Variants in ADAM32 observed in about 807,000 individuals in gnomAD.
The protein encoded by ADAM32 is ADAM metallopeptidase domain 32, also known as disintegrin and metalloproteinase domain-containing protein 32.
A neutral mutation model predicts 114.9 loss-of-function variants in ADAM32; 89 were observed. The ratio of observed to expected loss-of-function variants is 0.77; its 90% CI spans 0.65 to 0.92. The LOEUF is 0.92. Ranked by LOEUF, ADAM32 falls within the 40% of genes least tolerant of loss-of-function variation. The pLI, the probability that ADAM32 is intolerant of heterozygous loss-of-function variation, is 0.00. For missense variants in ADAM32, 870 were observed against 932.8 expected, an observed-to-expected ratio of 0.93 and a Z score of 0.88; for synonymous variants, 285 against 307.5, an observed-to-expected ratio of 0.93 and a Z score of 0.77.
intron 12 of ADAM32, 75 bp downstream of exon 12, chr8:39,211,399 C>T: frequency 7.5e-7 from 1 of 1,332,648 alleles, no homozygotes; most frequent in Non-Finnish European, 9.8e-7. Flanking sequence ...TGTCATATAT[C>T]TCAAATGTGA....
chr8:39,255,763 G>T (rs1470801756), intron 18 of ADAM32, among the ~76,000 whole-genome samples: 1 of 151,870 alleles, frequency 6.6e-6, no homozygotes, highest in Non-Finnish European at 1.5e-5. Flanking sequence ...TGTTTTTATT[G>T]CATTTGTTTT....
At chr8:39,255,313 C>T (rs1420481610) in intron 18 of ADAM32, among the ~76,000 whole-genome samples, 7 of 152,018 alleles carry the variant, frequency 4.6e-5, no homozygotes, top group African/African-American at 1.7e-4. Flanking sequence ...TACTGTTTTT[C>T]GTAGTGGCTG....
chr8:39,211,290 A>AG lies in ADAM32; in HGVS notation c.1202dup (p.Asn402LysfsTer2). On this transcript the variant is annotated frameshift_variant, in exon 12 of 25. Coordinates refer to ENST00000379907, the MANE Select transcript of ADAM32 (RefSeq NM_145004.7). LOFTEE classifies it high-confidence loss of function. Reference sequence around the variant, plus strand: ...CCAGTCTGTGGCAATGGCAGATTGGAGGGAAATGAAATCTGTGATTGTGGT... The same window carrying AG: ...CCAGTCTGTGGCAATGGCAGATTGGAGGGGAAATGAAATCTGTGATTGTGGT... 1.3e-6 allele frequency: 2 copies of AG among 1,582,704 alleles called. No homozygotes were observed. Among genetic ancestry groups the AG allele is most frequent in the Admixed American group, 3.6e-5 (2 of 54,870 alleles).
chr8:39,138,793 G>C (rs969446624), intron 3 of ADAM32, among the ~76,000 whole-genome samples: 15 of 152,354 alleles, frequency 9.8e-5, no homozygotes, highest in Non-Finnish European at 2.1e-4. Context: ...CCCACCAACA[G>C]TGTAAAAGGG....
chr8:39,244,850 TA>T (rs554268244), intron 16 of ADAM32, among the ~76,000 whole-genome samples: 4 of 151,432 alleles, frequency 2.6e-5, no homozygotes, highest in Admixed American at 6.6e-5. Flanking sequence ...TAAAGTATAA[TA>T]AAAAAAAGAT....
intron 2 of ADAM32, among the ~76,000 whole-genome samples, chr8:39,124,414 C>CTTTTTTTTTT (rs57362503): frequency 1.5e-5 from 2 of 136,672 alleles, no homozygotes; most frequent in Non-Finnish European, 1.6e-5. Context: ...TTTTCTTTTT[C>CTTTTTTTTTT]TTTTTTTTTT....
intron 22 of ADAM32, among the ~76,000 whole-genome samples, chr8:39,280,435 GT>G (rs1253340843): frequency 2.6e-5 from 4 of 152,144 alleles, no homozygotes; most frequent in Non-Finnish European, 5.9e-5. Flanking sequence ...GTAAATGTAA[GT>G]TTTAATTTAC....
intron 17 of ADAM32, among the ~76,000 whole-genome samples, chr8:39,254,210 C>A (rs1564693604): frequency 6.7e-6 from 1 of 149,094 alleles, no homozygotes; most frequent in Non-Finnish European, 1.5e-5. Context: ...ATATTGAGAG[C>A]CTCACTTTAT....
At chr8:39,161,041 A>G (rs1464041278) in intron 7 of ADAM32, 76 bp downstream of exon 7, 5 of 1,287,576 alleles carry the variant, frequency 3.9e-6, no homozygotes, top group Non-Finnish European at 5.3e-6. Context: ...CTAGACAGAA[A>G]CTAAAAGATT....
chr8:39,275,453 C>T (rs1008606111), intron 21 of ADAM32, among the ~76,000 whole-genome samples: 1 of 152,162 alleles, frequency 6.6e-6, no homozygotes, highest in East Asian at 1.9e-4. Flanking sequence ...GTCTTCTTGA[C>T]ATTAGTGTGG....
chr8:39,130,168 T>C (rs1232195662), intron 2 of ADAM32: 1 of 159,516 alleles, frequency 6.3e-6, no homozygotes, highest in Non-Finnish European at 1.4e-5. Context: ...TTGCCCCAGC[T>C]GGTCTTGAAC....
chr8:39,189,806 T>C (rs1202634491), intron 11 of ADAM32, among the ~76,000 whole-genome samples: 1 of 148,632 alleles, frequency 6.7e-6, no homozygotes. Flanking sequence ...ACTCTATATC[T>C]TTTTTTTTTG....
At chr8:39,133,570 G>C (rs1306438102) in intron 2 of ADAM32, among the ~76,000 whole-genome samples, 1 of 152,188 alleles carries the variant, frequency 6.6e-6, no homozygotes, top group East Asian at 1.9e-4. Flanking sequence ...TAGCAGTAGT[G>C]GGCCAGTCCT....
chr8:39,284,892 A>G lies in ADAM32; in HGVS notation c.*93A>G, dbSNP rs1042156594. On this transcript the variant is annotated 3_prime_UTR_variant, in exon 25 of 25. Transcript: ENST00000379907. The stretch of plus-strand genomic sequence containing the variant: ...TCCGTGGTCACAGCTGAAAGAAACA[A>G]TAAATTGAGTGTGGATCAATTTGCA... The G allele has an allele frequency of 4.9e-5, 74 of 1,509,546 alleles. No homozygotes were observed. Among genetic ancestry groups the G allele is most frequent in the South Asian group, 3.2e-4 (28 of 86,430 alleles). The allele number at this position is 1,509,546 out of a possible 1,614,324, so 93.5% of individuals were successfully genotyped here. A position where few individuals can be genotyped will look rare whatever the true frequency, so the allele number is the denominator to read the frequency against.
intron 11 of ADAM32, among the ~76,000 whole-genome samples, chr8:39,192,849 C>T (rs938289777): frequency 6.6e-6 from 1 of 152,188 alleles, no homozygotes; most frequent in African/African-American, 2.4e-5. Context: ...GGCCTCTGGT[C>T]TCTTCTGGCT....
intron 19 of ADAM32, among the ~76,000 whole-genome samples, chr8:39,269,295 C>A (rs555826671): frequency 6.6e-6 from 1 of 152,300 alleles, no homozygotes; most frequent in South Asian, 2.1e-4. Flanking sequence ...ATAGAGCTCA[C>A]CTTGTTTCCT....
chr8:39,114,641 C>T lies in ADAM32; in HGVS notation c.59-3445C>T, dbSNP rs112643704. Among the ~76,000 whole-genome samples, 1,136 of 152,296 alleles carry T rather than the reference C, an allele frequency of 7.5e-3. 12 individuals are homozygous for T. Among genetic ancestry groups the T allele is most frequent in the Middle Eastern group, 0.014 (4 of 294 alleles). ...GTCTCTGAGAGTCAATTGTCTGCCA[C>T]TTCAGAATTCCCTGATTCCCAGTCA... On this transcript the variant is annotated intron_variant, in intron 1 of 24. Coordinates refer to ENST00000379907, the MANE Select transcript of ADAM32 (RefSeq NM_145004.7).
chr8:39,107,718 G>A, upstream of ADAM32: 1 of 1,549,426 alleles, frequency 6.5e-7, no homozygotes, highest in South Asian at 1.2e-5. Context: ...GCGTCCCCGC[G>A]TCCCTGGCAA....
At chr8:39,264,214 C>T (rs932416574) in intron 19 of ADAM32, among the ~76,000 whole-genome samples, 5 of 152,114 alleles carry the variant, frequency 3.3e-5, no homozygotes, top group Admixed American at 1.3e-4. Context: ...ATGATTTCAT[C>T]CCCCAGGTAG....
Sources: allele counts gnomAD v4.1 joint callset (sites outside exome capture counted in the v4.1 genomes callset), GRCh38; gene constraint gnomAD v4.1.1; transcripts MANE v1.5; gene names NCBI Gene and HGNC (gene_info 2026-07-23, HGNC 2026-07-21).